Variants in MAF observed in about 807,000 individuals in gnomAD.
MAF encodes the protein transcription factor Maf.
In MAF, 10 loss-of-function variants were observed where a neutral mutation model predicts 22.0. That is an observed-to-expected ratio of 0.45 (90% CI 0.28 to 0.77). The LOEUF (loss-of-function observed/expected upper bound fraction) is 0.77. MAF is among the 30% of genes least tolerant of loss of function. The pLI is 0.12. For synonymous variants in MAF, 337 were observed against 255.8 expected (o/e 1.32, Z -3.03); for missense variants, 544 against 548.4 (o/e 0.99, Z 0.08).
the MAF span, among the ~76,000 whole-genome samples, chr16:79,575,719 C>T: frequency 2.0e-5 from 3 of 152,174 alleles, no homozygotes; most frequent in African/African-American, 7.2e-5. Flanking sequence ...ACCTTCATCC[C>T]CAATTTTTCC....
At chr16:79,535,080 A>C in the MAF span, among the ~76,000 whole-genome samples, 1 of 152,038 alleles carries the variant, frequency 6.6e-6, no homozygotes, top group Admixed American at 6.6e-5. Context: ...CTTAGGACAA[A>C]GTCAATTTAT....
At chr16:79,435,627 G>C in the MAF span, among the ~76,000 whole-genome samples, 21 of 152,264 alleles carry the variant, frequency 1.4e-4, no homozygotes, top group Non-Finnish European at 2.8e-4. Flanking sequence ...CACACAGCTG[G>C]CCAGTGGCAG....
the MAF span, among the ~76,000 whole-genome samples, chr16:79,501,789 G>A: frequency 6.6e-6 from 1 of 152,136 alleles, no homozygotes; most frequent in African/African-American, 2.4e-5. Flanking sequence ...TGAGAAGCAG[G>A]CTGTGTTTTA....
the MAF span, among the ~76,000 whole-genome samples, chr16:79,334,666 T>A: frequency 2.0e-4 from 31 of 152,168 alleles, no homozygotes; most frequent in Middle Eastern, 0.014. Flanking sequence ...CCCTTCTAAG[T>A]GTGGGGCCCT....
the MAF span, among the ~76,000 whole-genome samples, chr16:79,561,032 A>C: frequency 6.6e-6 from 1 of 152,056 alleles, no homozygotes; most frequent in African/African-American, 2.4e-5. Context: ...ACAGCTGCAA[A>C]ACTTAGATTT....
the MAF span, among the ~76,000 whole-genome samples, chr16:79,224,546 A>G: frequency 2.6e-5 from 4 of 152,308 alleles, no homozygotes; most frequent in East Asian, 1.9e-4. Flanking sequence ...AGGGTATTCA[A>G]TTAGGAAAAA....
chr16:79,550,982 C>T, the MAF span, among the ~76,000 whole-genome samples: 1 of 152,128 alleles, frequency 6.6e-6, no homozygotes, highest in Non-Finnish European at 1.5e-5. Context: ...TTGGAGGCCC[C>T]CGTGGCCTCA....
At chr16:79,252,781 T>C in the MAF span, among the ~76,000 whole-genome samples, 2 of 152,138 alleles carry the variant, frequency 1.3e-5, no homozygotes, top group Non-Finnish European at 2.9e-5. Context: ...TGAGTCACCG[T>C]GCCCGGCCGT....
the MAF span, among the ~76,000 whole-genome samples, chr16:79,290,342 C>G: frequency 1.3e-5 from 2 of 152,200 alleles, no homozygotes; most frequent in Non-Finnish European, 2.9e-5. Flanking sequence ...CATACGGGCT[C>G]TGCGGCAAAT....
At chr16:79,577,834 C>A in the MAF span, among the ~76,000 whole-genome samples, 1 of 152,144 alleles carries the variant, frequency 6.6e-6, no homozygotes, top group Non-Finnish European at 1.5e-5. Context: ...TGTTCTGAAT[C>A]TTGACTGTGG....
chr16:79,422,608 G>A, the MAF span, among the ~76,000 whole-genome samples: 2 of 152,086 alleles, frequency 1.3e-5, no homozygotes, highest in African/African-American at 4.8e-5. Context: ...GCCGTCCCTG[G>A]TATATACTTA....
the MAF span, among the ~76,000 whole-genome samples, chr16:79,320,238 T>C: frequency 3.9e-5 from 6 of 152,180 alleles, no homozygotes. Flanking sequence ...TCTCTCTCTA[T>C]ATATATACTT....
the MAF span, among the ~76,000 whole-genome samples, chr16:79,401,157 T>A: frequency 1.3e-5 from 2 of 152,210 alleles, no homozygotes; most frequent in Admixed American, 1.3e-4. Context: ...TCCTCACTCC[T>A]GATCAGAGAC....
At chr16:79,260,325 A>AT in the MAF span, among the ~76,000 whole-genome samples, 3 of 151,832 alleles carry the variant, frequency 2.0e-5, no homozygotes, top group Non-Finnish European at 4.4e-5. Context: ...TAATATTTGA[A>AT]TTTTTTTGTA....
At chr16:79,463,520 C>G in the MAF span, among the ~76,000 whole-genome samples, 1 of 152,146 alleles carries the variant, frequency 6.6e-6, no homozygotes, top group Non-Finnish European at 1.5e-5. Context: ...CCAGCCACCA[C>G]AGCAAACAGA....
the MAF span, among the ~76,000 whole-genome samples, chr16:79,227,484 A>C: frequency 1.6e-4 from 24 of 152,120 alleles, 1 homozygote; most frequent in Middle Eastern, 6.8e-3. Flanking sequence ...TTTCCACTTG[A>C]GTTTGACATT....
Position 79,594,477 on chromosome 16 carries a change from TG to T in MAF, c.1194del (p.Ser399ValfsTer14). 6.4e-7 allele frequency: 1 copy of T among 1,561,784 alleles called. No individual in the cohort carries two copies. The highest frequency in any genetic ancestry group is 1.4e-5 in the African/African-American group (1 of 73,756). ...CACAAATTTCATTTTGTGAACACAC[TG>T]GTAAGTACACGATGCTGGGGCTTCC... ...TFWKPQHRVLTSVFTK is the reference protein window; with the variant it reads ...TFWKPQHRVLXSVFTK On this transcript the variant is annotated frameshift_variant, in exon 2 of 2. Transcript: ENST00000326043. LOFTEE classifies it high-confidence loss of function.
chr16:79,578,612 C>T, the MAF span, among the ~76,000 whole-genome samples: 2 of 151,932 alleles, frequency 1.3e-5, no homozygotes, highest in African/African-American at 4.8e-5. Context: ...CAATAAATAA[C>T]ACTTATCTCC....
chr16:79,334,861 GTA>G, the MAF span, among the ~76,000 whole-genome samples: 81,928 of 130,208 alleles, frequency 0.63, 25,284 homozygotes, highest in Non-Finnish European at 0.74. Flanking sequence ...GTGTGTGTGT[GTA>G]TGTGTGTGTG....
Sources: gnomAD v4.1 joint callset for allele counts (sites outside exome capture counted in the v4.1 genomes callset) on GRCh38, gnomAD v4.1.1 for gene constraint, MANE v1.5 for transcripts, NCBI Gene and HGNC (gene_info 2026-07-23, HGNC 2026-07-21) for gene names.